The following RAB6A variants were observed in gnomAD, a reference collection of about 807,000 sequenced individuals.
RAB6A encodes the protein RAB6A, member RAS oncogene family, also known as ras-related protein Rab-6A.
RAB6A carries 8 observed loss-of-function variants against 32.3 expected under a neutral mutation model. The observed-to-expected ratio is 0.25, with a 90% CI of 0.15 to 0.45. The LOEUF is 0.45. RAB6A is among the 20% of genes least tolerant of loss of function. RAB6A has a pLI of 1.00. For missense variants in RAB6A, 104 were observed against 249.4 expected (o/e 0.42, Z 3.93); for synonymous variants, 73 against 82.1 (o/e 0.89, Z 0.60).
At chr11:73,686,817 A>T (rs1484880092) in intron 6 of RAB6A, among the ~76,000 whole-genome samples, 7 of 152,122 alleles carry the variant, frequency 4.6e-5, no homozygotes, top group African/African-American at 1.7e-4. Context: ...ATATACATAT[A>T]CTGCTTCATA....
chr11:73,685,286 CTTTTTTTTT>C (rs750488240), intron 6 of RAB6A, among the ~76,000 whole-genome samples: 54 of 117,248 alleles, frequency 4.6e-4, no homozygotes, highest in African/African-American at 1.7e-3. Context: ...TATAGAAAGT[CTTTTTTTTT>C]TTTTTTTTTT....
chr11:73,715,449 C>T (rs1172138037), intron 5 of RAB6A, among the ~76,000 whole-genome samples: 1 of 152,174 alleles, frequency 6.6e-6, no homozygotes, highest in Non-Finnish European at 1.5e-5. Context: ...AACTGAGGTG[C>T]CATGTGCAGA....
chr11:73,681,547 T>C (rs571168421), intron 6 of RAB6A, among the ~76,000 whole-genome samples: 1 of 152,352 alleles, frequency 6.6e-6, no homozygotes, highest in Non-Finnish European at 1.5e-5. Flanking sequence ...ACTTGGTGGC[T>C]CACGCCTGTA....
In RAB6A at chr11:73,716,240, T is replaced by C. The variant is rs1946050189; in HGVS notation, c.401+11A>G. The C allele has an allele frequency of 6.4e-7, 1 of 1,564,500 alleles. No homozygotes were observed. Among genetic ancestry groups the C allele is most frequent in the African/African-American group, 1.4e-5 (1 of 73,912 alleles). On this transcript the variant is annotated intron_variant, in intron 5 of 7. Coordinates refer to ENST00000336083, the MANE Select transcript of RAB6A (RefSeq NM_198896.2). ...AATCAAACATTACACACATATAAAA[T>C]AACTCCATACCTCTTGTCAGCAAGA...
At chr11:73,738,851 A>G (rs112628585) in intron 1 of RAB6A, among the ~76,000 whole-genome samples, 1,632 of 151,420 alleles carry the variant, frequency 0.011, 24 homozygotes, top group African/African-American at 0.035. Context: ...GGCTGAGCCC[A>G]GATGATTGCT....
intron 4 of RAB6A, among the ~76,000 whole-genome samples, chr11:73,718,238 G>A (rs1159943784): frequency 1.3e-5 from 2 of 152,184 alleles, no homozygotes; most frequent in African/African-American, 4.8e-5. Flanking sequence ...TAGAAAGCTT[G>A]GAGGATTTGG....
chr11:73,714,843 G>A (rs1946029833), intron 5 of RAB6A, among the ~76,000 whole-genome samples: 1 of 151,944 alleles, frequency 6.6e-6, no homozygotes, highest in South Asian at 2.1e-4. Context: ...GCAGGCGCCT[G>A]TAATCCCAGC....
intron 6 of RAB6A, among the ~76,000 whole-genome samples, chr11:73,685,937 C>CA (rs1200443711): frequency 7.3e-6 from 1 of 136,908 alleles, no homozygotes; most frequent in African/African-American, 2.7e-5. Context: ...GAGACAATAA[C>CA]TCTATCAGAG....
chr11:73,746,833 C>T (rs187246943), intron 1 of RAB6A, among the ~76,000 whole-genome samples: 4 of 151,858 alleles, frequency 2.6e-5, no homozygotes, highest in Admixed American at 2.0e-4. Context: ...AGCTTGCCTA[C>T]TTACTAACCA....
chr11:73,758,113 T>C (rs1341650250), intron 1 of RAB6A, among the ~76,000 whole-genome samples: 1 of 146,652 alleles, frequency 6.8e-6, no homozygotes, highest in Non-Finnish European at 1.5e-5. Context: ...AAGAGTTACA[T>C]CAAAAGGACA....
chr11:73,698,160 G>C (rs1446145374), intron 6 of RAB6A, among the ~76,000 whole-genome samples: 1 of 152,176 alleles, frequency 6.6e-6, no homozygotes, highest in Non-Finnish European at 1.5e-5. Flanking sequence ...GGCAGAGATT[G>C]CAGTGAGCCG....
chr11:73,699,867 A>G (rs553329765), intron 6 of RAB6A, among the ~76,000 whole-genome samples: 1 of 152,346 alleles, frequency 6.6e-6, no homozygotes, highest in African/African-American at 2.4e-5. Context: ...GTGATGAGGA[A>G]AAGATATGAT....
intron 4 of RAB6A, among the ~76,000 whole-genome samples, chr11:73,717,245 T>C (rs1033007375): frequency 1.1e-4 from 17 of 152,204 alleles, no homozygotes; most frequent in African/African-American, 3.9e-4. Flanking sequence ...AATTCCTAAT[T>C]GAGGAGATAT....
chr11:73,678,918 G>T (rs1282830102), intron 7 of RAB6A, among the ~76,000 whole-genome samples: 1 of 151,760 alleles, frequency 6.6e-6, no homozygotes, highest in Non-Finnish European at 1.5e-5. Context: ...TAGAGACAAG[G>T]TTTCTCCATG....
intron 1 of RAB6A, among the ~76,000 whole-genome samples, chr11:73,743,888 T>C (rs1242139382): frequency 1.3e-5 from 2 of 152,178 alleles, no homozygotes; most frequent in Middle Eastern, 3.2e-3. Context: ...TCTTTCTAAA[T>C]TACTTTCAGC....
intron 6 of RAB6A, among the ~76,000 whole-genome samples, chr11:73,702,322 A>C (rs898327712): frequency 5.3e-5 from 8 of 152,120 alleles, no homozygotes; most frequent in African/African-American, 1.9e-4. Context: ...CACCATGCTC[A>C]GCTAATTTTC....
chr11:73,760,507 C>T, intron 1 of RAB6A, 59 bp downstream of exon 1: 2 of 1,539,084 alleles, frequency 1.3e-6, no homozygotes, highest in Non-Finnish European at 1.8e-6. Context: ...AGGGCCGCAC[C>T]GGGGGCGGTG....
At chr11:73,731,653 C>T (rs1386210354) in intron 1 of RAB6A, among the ~76,000 whole-genome samples, 2 of 142,730 alleles carry the variant, frequency 1.4e-5, no homozygotes, top group East Asian at 4.0e-4. Context: ...TCCATAACTT[C>T]ACTTTGTATT....
chr11:73,745,390 T>C (rs1051724813), intron 1 of RAB6A, among the ~76,000 whole-genome samples: 1 of 152,126 alleles, frequency 6.6e-6, no homozygotes, highest in Non-Finnish European at 1.5e-5. Flanking sequence ...TAAAACAACT[T>C]TGCATTCTTA....
Sources: allele counts gnomAD v4.1 joint callset (sites outside exome capture counted in the v4.1 genomes callset), GRCh38; gene constraint gnomAD v4.1.1; transcripts MANE v1.5; gene names NCBI Gene and HGNC (gene_info 2026-07-23, HGNC 2026-07-21).